The following AUH variants were observed in gnomAD, a reference collection of about 807,000 sequenced individuals.
The protein encoded by AUH is AU RNA binding methylglutaconyl-CoA hydratase, also known as methylglutaconyl-CoA hydratase, mitochondrial.
Under a neutral mutation model 42.3 loss-of-function variants are expected in AUH, and 29 were observed. The ratio of observed to expected loss-of-function variants is 0.69; its 90% CI spans 0.51 to 0.93. AUH has a LOEUF of 0.93. Ranked by LOEUF, AUH falls within the 40% of genes least tolerant of loss-of-function variation. The probability of loss-of-function intolerance (pLI) is 0.00; values close to 1 mark genes in which losing one functional copy is unlikely to be tolerated. For synonymous variants in AUH, 174 were observed against 166.4 expected, an observed-to-expected ratio of 1.05 and a Z score of -0.35; for missense variants, 452 against 438.1, an observed-to-expected ratio of 1.03 and a Z score of -0.28.
At chr9:91,327,720 T>C (rs1830053977) in intron 3 of AUH, among the ~76,000 whole-genome samples, 2 of 152,166 alleles carry the variant, frequency 1.3e-5, no homozygotes, top group South Asian at 4.1e-4. Flanking sequence ...GCAACGGGAA[T>C]AAAAGAGCTG....
Position 91,220,870 on chromosome 9 carries a change from G to C in AUH, c.778C>G (p.Gln260Glu), listed in dbSNP as rs1333421725. 1 of 1,614,262 alleles carries C rather than the reference G, an allele frequency of 6.2e-7. No homozygotes were observed. Among genetic ancestry groups the C allele is most frequent in the Non-Finnish European group, 8.5e-7 (1 of 1,180,056 alleles). ...AVGLISHVLE[Q>E]NQEGDAAYRK... Reference sequence around the variant, plus strand: ...TAGGCCGCGTCTCCCTCCTGGTTCTGTTCCAGAACGTGGCTGATTAAGCCC... The same window carrying C: ...TAGGCCGCGTCTCCCTCCTGGTTCTCTTCCAGAACGTGGCTGATTAAGCCC... The change falls in exon 7 of 10, where the codon CAG (glutamine) becomes GAG (glutamate). Residue 260 changes from glutamine to glutamate, a missense_variant. Coordinates refer to ENST00000375731, the MANE Select transcript of AUH (RefSeq NM_001698.3).
intron 3 of AUH, among the ~76,000 whole-genome samples, chr9:91,340,362 AAACAT>A (rs1831017617): frequency 6.6e-6 from 1 of 152,268 alleles, no homozygotes; most frequent in Non-Finnish European, 1.5e-5. Flanking sequence ...AAAAGGTAAC[AAACAT>A]AATATCCATT....
intron 3 of AUH, among the ~76,000 whole-genome samples, chr9:91,340,062 T>C (rs574115185): frequency 3.3e-5 from 5 of 152,048 alleles, no homozygotes; most frequent in Admixed American, 1.3e-4. Context: ...TCATAGAAAA[T>C]TACTAGAGAA....
chr9:91,231,479 G>A (rs914886242), intron 6 of AUH, among the ~76,000 whole-genome samples: 47 of 152,260 alleles, frequency 3.1e-4, no homozygotes, highest in African/African-American at 1.0e-3. Flanking sequence ...AGATGAACCT[G>A]GTACCACAGA....
At chr9:91,238,762 T>A (rs1365110852) in intron 6 of AUH, among the ~76,000 whole-genome samples, 1 of 152,236 alleles carries the variant, frequency 6.6e-6, no homozygotes, top group Non-Finnish European at 1.5e-5. Context: ...GGTAGCAACC[T>A]GTCTTAGCAG....
intron 6 of AUH, among the ~76,000 whole-genome samples, chr9:91,270,373 G>A (rs1825016108): frequency 6.6e-6 from 1 of 152,152 alleles, no homozygotes; most frequent in African/African-American, 2.4e-5. Flanking sequence ...GAGGTGGAGG[G>A]GGCCCTGGTT....
chr9:91,251,325 T>C (rs1488203587), intron 6 of AUH, among the ~76,000 whole-genome samples: 1 of 152,178 alleles, frequency 6.6e-6, no homozygotes, highest in Non-Finnish European at 1.5e-5. Context: ...AACTAATCTT[T>C]CTCCAGTAAA....
At chr9:91,230,554 C>T (rs1188804524) in intron 6 of AUH, among the ~76,000 whole-genome samples, 18 of 152,314 alleles carry the variant, frequency 1.2e-4, no homozygotes, top group African/African-American at 4.3e-4. Flanking sequence ...TCTCTCAGCT[C>T]GTCAAAGTCA....
At chr9:91,225,518 G>C (rs1827393059) in intron 6 of AUH, among the ~76,000 whole-genome samples, 1 of 151,898 alleles carries the variant, frequency 6.6e-6, no homozygotes, top group Non-Finnish European at 1.5e-5. Flanking sequence ...TCTGAATTCA[G>C]GATTCCTAAA....
intron 6 of AUH, among the ~76,000 whole-genome samples, chr9:91,243,993 TCTAA>T (rs1184519358): frequency 2.6e-5 from 4 of 152,306 alleles, no homozygotes; most frequent in South Asian, 4.1e-4. Flanking sequence ...GCAAAGAAAC[TCTAA>T]CTTACTGGAA....
intron 6 of AUH, among the ~76,000 whole-genome samples, chr9:91,247,308 T>C (rs1004139606): frequency 1.3e-5 from 2 of 152,116 alleles, no homozygotes; most frequent in Admixed American, 1.3e-4. Flanking sequence ...TCACTCCCCA[T>C]AAAGGTGGTT....
intron 4 of AUH, among the ~76,000 whole-genome samples, chr9:91,300,777 CA>C (rs1234154898): frequency 6.6e-6 from 1 of 152,184 alleles, no homozygotes; most frequent in Non-Finnish European, 1.5e-5. Flanking sequence ...CTACTTAAAA[CA>C]GCTCCAAAAG....
intron 4 of AUH, among the ~76,000 whole-genome samples, chr9:91,301,413 T>C (rs777607818): frequency 2.6e-5 from 4 of 152,322 alleles, no homozygotes; most frequent in Non-Finnish European, 4.4e-5. Flanking sequence ...TTAAGTCTAA[T>C]AGGAATTTGA....
intron 6 of AUH, among the ~76,000 whole-genome samples, chr9:91,258,100 G>C (rs530687994): frequency 6.6e-6 from 1 of 152,182 alleles, no homozygotes; most frequent in African/African-American, 2.4e-5. Flanking sequence ...TTTTGAACTT[G>C]TATCCAATGA....
intron 4 of AUH, among the ~76,000 whole-genome samples, chr9:91,301,623 C>T (rs941393694): frequency 1.1e-4 from 16 of 152,260 alleles, no homozygotes; most frequent in African/African-American, 3.6e-4. Flanking sequence ...AATTCCAGGG[C>T]TTGTTTCCTT....
chr9:91,292,784 G>A (rs1000464793), intron 6 of AUH, among the ~76,000 whole-genome samples: 1 of 152,008 alleles, frequency 6.6e-6, no homozygotes, highest in Non-Finnish European at 1.5e-5. Context: ...GCTAAAAATA[G>A]GGCATACAGG....
chr9:91,358,477 G>A (rs564532884), intron 1 of AUH, among the ~76,000 whole-genome samples: 1 of 152,074 alleles, frequency 6.6e-6, no homozygotes, highest in South Asian at 2.1e-4. Context: ...TTAAGAATTC[G>A]GCAAGTTACT....
intron 3 of AUH, among the ~76,000 whole-genome samples, chr9:91,341,711 C>A (rs1831115693): frequency 6.6e-6 from 1 of 152,218 alleles, no homozygotes; most frequent in Admixed American, 6.5e-5. Flanking sequence ...TGGCAATAGG[C>A]CTCTGTCCTA....
Position 91,316,395 on chromosome 9 carries a change from T to C in AUH, c.505+8923A>G, listed in dbSNP as rs574061540. 4.6e-5 allele frequency among the ~76,000 whole-genome samples: 7 copies of C among 152,292 alleles called. No individual in the cohort carries two copies. The East Asian group carries it at 1.3e-3, about 29-fold the overall frequency. On this transcript the variant is annotated intron_variant, in intron 4 of 9. Coordinates refer to ENST00000375731, the MANE Select transcript of AUH (RefSeq NM_001698.3). ...GTTATCCCTCTATGTAAATACCCCTTAAAAAGTGAACTACCGAGTCTTATG... is the reference window on the plus strand; with the variant it reads ...GTTATCCCTCTATGTAAATACCCCTCAAAAAGTGAACTACCGAGTCTTATG...
Sources: gnomAD v4.1 joint callset for allele counts (sites outside exome capture counted in the v4.1 genomes callset) on GRCh38, gnomAD v4.1.1 for gene constraint, MANE v1.5 for transcripts, NCBI Gene and HGNC (gene_info 2026-07-23, HGNC 2026-07-21) for gene names.